The following PRUNE2 variants were observed in gnomAD, a reference collection of about 807,000 sequenced individuals.
The protein encoded by PRUNE2 is protein prune homolog 2.
A neutral mutation model predicts 252.0 loss-of-function variants in PRUNE2; 164 were observed. The ratio of observed to expected loss-of-function variants is 0.65; its 90% CI spans 0.57 to 0.74. The LOEUF is 0.74. PRUNE2 is among the 30% of genes least tolerant of loss of function. PRUNE2 has a pLI of 0.00. For missense variants in PRUNE2, 3,495 were observed against 3,711.0 expected (o/e 0.94, Z 1.51); for synonymous variants, 1,292 against 1,350.2 (o/e 0.96, Z 0.94).
chr9:76,807,848 C>A (rs566510739), intron 6 of PRUNE2, among the ~76,000 whole-genome samples: 1 of 152,330 alleles, frequency 6.6e-6, no homozygotes, highest in African/African-American at 2.4e-5. Context: ...AACAATCGAG[C>A]ACATACTGAT....
At chr9:76,851,745 A>C (rs1287048765) in intron 2 of PRUNE2, among the ~76,000 whole-genome samples, 1 of 152,246 alleles carries the variant, frequency 6.6e-6, no homozygotes, top group Non-Finnish European at 1.5e-5. Flanking sequence ...TTCTTAAATC[A>C]TAAAAAACAT....
intron 1 of PRUNE2, among the ~76,000 whole-genome samples, chr9:76,884,329 C>A (rs576201852): frequency 8.5e-5 from 13 of 152,282 alleles, no homozygotes; most frequent in African/African-American, 2.6e-4. Context: ...TAAACCCACA[C>A]TGAAGAACTA....
chr9:76,647,493 G>T (rs899328875), intron 11 of PRUNE2, among the ~76,000 whole-genome samples: 22 of 150,208 alleles, frequency 1.5e-4, no homozygotes, highest in African/African-American at 5.3e-4. Context: ...AACACCAAAG[G>T]CATGATCCAT....
intron 9 of PRUNE2, among the ~76,000 whole-genome samples, chr9:76,679,451 CTAAT>C (rs1453324353): frequency 6.6e-6 from 1 of 152,078 alleles, no homozygotes; most frequent in East Asian, 1.9e-4. Context: ...AATTTTAAAA[CTAAT>C]TACAAAGCTA....
Position 76,709,902 on chromosome 9 carries a change from G to C in PRUNE2, c.2372C>G (p.Pro791Arg). The C allele has an allele frequency of 6.2e-7, 1 of 1,613,822 alleles. No individual in the cohort carries two copies. Among genetic ancestry groups the C allele is most frequent in the African/African-American group, 1.3e-5 (1 of 75,006 alleles). The change falls in exon 8 of 19, where the codon CCA becomes CGA. Residue 791 changes from proline to arginine, a missense_variant. Transcript: ENST00000376718. ...PWGNPTDDGE[P>R]AAVAPFPAWS... The stretch of plus-strand genomic sequence containing the variant: ...GGCTGGGAATGGCGCCACAGCTGCT[G>C]GTTCACCATCATCTGTAGGATTTCC...
chr9:76,707,571 T>C lies in PRUNE2; in HGVS notation c.4703A>G (p.Tyr1568Cys). 6.2e-7 allele frequency: 1 copy of C among 1,613,970 alleles called. No individual in the cohort carries two copies. The highest frequency in any genetic ancestry group is 8.5e-7 in the Non-Finnish European group (1 of 1,179,904). Residue 1568 changes from tyrosine (Y) to cysteine (C), a missense_variant, in exon 8 of 19, where the codon TAT (tyrosine) becomes TGT (cysteine). Physicochemically the swap from Tyr to Cys is radical, Grantham distance 194. Coordinates refer to ENST00000376718, the MANE Select transcript of PRUNE2 (RefSeq NM_015225.3). ...CCAGTTGCCTTGGTTTTCTTCTTGA[T>C]ACCCAGAACTGGGTTGCTGGCCCCA... is the stretch of plus-strand genomic sequence containing the variant. ...SSWGQQPSSGYQEENQGNWSE... is the reference protein window; with the variant it reads ...SSWGQQPSSGCQEENQGNWSE...
chr9:76,872,501 G>T (rs1379763392), intron 1 of PRUNE2, among the ~76,000 whole-genome samples: 2 of 151,890 alleles, frequency 1.3e-5, no homozygotes, highest in African/African-American at 4.8e-5. Flanking sequence ...AGGGAAGAAA[G>T]ATAAGAGTTT....
At chr9:76,704,160 T>C in intron 8 of PRUNE2, 61 bp from the exon 9 acceptor site, 1 of 1,117,378 alleles carries the variant, frequency 8.9e-7, no homozygotes, top group South Asian at 2.1e-5. Context: ...CATTGTGTGA[T>C]TTGTGATCCT....
chr9:76,674,101 G>C (rs1378671079), intron 9 of PRUNE2, among the ~76,000 whole-genome samples: 2 of 151,618 alleles, frequency 1.3e-5, no homozygotes, highest in African/African-American at 4.8e-5. Context: ...ATTAGGAAAA[G>C]AGGAAGTCAA....
intron 6 of PRUNE2, among the ~76,000 whole-genome samples, chr9:76,795,127 G>A (rs1448705793): frequency 2.0e-5 from 3 of 152,088 alleles, no homozygotes; most frequent in East Asian, 1.9e-4. Flanking sequence ...TCCAGCTGTC[G>A]GATGCTGAGA....
At chr9:76,832,144 G>T (rs543605336) in intron 4 of PRUNE2, among the ~76,000 whole-genome samples, 1 of 152,192 alleles carries the variant, frequency 6.6e-6, no homozygotes, top group African/African-American at 2.4e-5. Flanking sequence ...GATGAAAAAT[G>T]AGATAAATAC....
intron 6 of PRUNE2, among the ~76,000 whole-genome samples, chr9:76,757,820 T>A (rs1250509017): frequency 6.6e-6 from 1 of 152,010 alleles, no homozygotes; most frequent in Non-Finnish European, 1.5e-5. Flanking sequence ...CATCTATAGT[T>A]CCAGTGACTC....
At chr9:76,746,872 T>C (rs1288875138) in intron 6 of PRUNE2, among the ~76,000 whole-genome samples, 2 of 152,340 alleles carry the variant, frequency 1.3e-5, no homozygotes, top group Non-Finnish European at 2.9e-5. Context: ...ATCTCTTCCA[T>C]GTGGCTGTTC....
chr9:76,661,628 G>T (rs901761194), intron 9 of PRUNE2, among the ~76,000 whole-genome samples: 1 of 152,072 alleles, frequency 6.6e-6, no homozygotes, highest in Non-Finnish European at 1.5e-5. Flanking sequence ...GTGATACAAG[G>T]AATAATTCTT....
At chr9:76,870,054 TAGA>T (rs911623237) in intron 1 of PRUNE2, among the ~76,000 whole-genome samples, 1 of 152,206 alleles carries the variant, frequency 6.6e-6, no homozygotes, top group African/African-American at 2.4e-5. Context: ...GCTGTTATAG[TAGA>T]AGAATATTTT....
chr9:76,722,153 G>C (rs147355313), intron 6 of PRUNE2, among the ~76,000 whole-genome samples: 1,891 of 152,028 alleles, frequency 0.012, 32 homozygotes, highest in African/African-American at 0.043. Flanking sequence ...CTACCTCCCA[G>C]GTTCAAACAA....
At chr9:76,838,223 G>T (rs2059169868) in intron 4 of PRUNE2, among the ~76,000 whole-genome samples, 1 of 120,008 alleles carries the variant, frequency 8.3e-6, no homozygotes. Flanking sequence ...TTTTATGGAA[G>T]AAGGAAGGGC....
At chr9:76,676,378 C>A (rs934270445) in intron 9 of PRUNE2, among the ~76,000 whole-genome samples, 1 of 143,786 alleles carries the variant, frequency 7.0e-6, no homozygotes, top group Non-Finnish European at 1.5e-5. Flanking sequence ...AAAAAAAAAT[C>A]TAAATGTATT....
chr9:76,851,377 C>G (rs932690965), intron 2 of PRUNE2, among the ~76,000 whole-genome samples: 1 of 152,104 alleles, frequency 6.6e-6, no homozygotes, highest in Non-Finnish European at 1.5e-5. Flanking sequence ...GAAACCCCAT[C>G]TCTACTAAAA....
Sources: allele counts gnomAD v4.1 joint callset (sites outside exome capture counted in the v4.1 genomes callset), GRCh38; gene constraint gnomAD v4.1.1; transcripts MANE v1.5; gene names NCBI Gene and HGNC (gene_info 2026-07-23, HGNC 2026-07-21).